Variants in NBPF9 observed in about 807,000 individuals in gnomAD.
NBPF9 encodes NBPF member 9.
Under a neutral mutation model 97.8 loss-of-function variants are expected in NBPF9, and 91 were observed. The ratio of observed to expected loss-of-function variants is 0.93; its 90% confidence interval spans 0.79 to 1.11. The LOEUF (loss-of-function observed/expected upper bound fraction) is 1.11, where lower values mean the gene tolerates loss of function less well. NBPF9 is among the 50% of genes least tolerant of loss of function. The probability of loss-of-function intolerance (pLI) is 0.00; values close to 1 mark genes in which losing one functional copy is unlikely to be tolerated. For missense variants in NBPF9, 992 were observed against 939.5 expected (o/e 1.06, Z -0.73); for synonymous variants, 334 against 359.5 (o/e 0.93, Z 0.80).
exon 1 of NBPF9, chr1:149,103,335 T>C: frequency 6.6e-6 from 1 of 151,980 alleles, no homozygotes; most frequent in South Asian, 2.1e-4. Flanking sequence ...CTGTAAACCG[T>C]AACTTCCCAT....
At chr1:149,087,355 GTGTGTGTA>G (rs1179623423) in intron 5 of NBPF9, among the ~76,000 whole-genome samples, 4 of 148,550 alleles carry the variant, frequency 2.7e-5, no homozygotes, top group Non-Finnish European at 5.9e-5. Context: ...ACACACGTTT[GTGTGTGTA>G]TGTGTGTATA....
At chr1:149,079,114 G>T in exon 9 of NBPF9, 4 of 1,254,038 alleles carry the variant, frequency 3.2e-6, no homozygotes, top group Non-Finnish European at 4.7e-6. Context: ...AGTGAGGAGG[G>T]CCTGGAGATG....
At chr1:149,059,503 T>C (rs1282794641) in intron 25 of NBPF9, 197 bp downstream of exon 25, 2 of 401,524 alleles carry the variant, frequency 5.0e-6, no homozygotes, top group Non-Finnish European at 8.9e-6. Context: ...ATGGTCAACC[T>C]ATGGTACGTT....
In NBPF9 at chr1:149,071,679, G is replaced by A; in HGVS notation, c.1307-3C>T. 3 of 1,306,072 alleles carry A rather than the reference G, an allele frequency of 2.3e-6. No individual in the cohort carries two copies. Among genetic ancestry groups the A allele is most frequent in the Non-Finnish European group, 3.2e-6 (3 of 941,794 alleles). 80.9% of individuals were successfully genotyped at this position (1,306,072 alleles called of 1,614,324 possible). ...TTCATCGTCATCGTTGTCATTTTCT[G>A]TAAATACAGAAGTGTTCGTTCAGAT... On this transcript the variant is annotated splice_polypyrimidine_tract_variant and splice_region_variant and intron_variant, in intron 14 of 29. Coordinates refer to ENST00000584027, the Ensembl canonical transcript of NBPF9.
At chr1:149,064,677 C>T in intron 18 of NBPF9, 195 bp from the exon 19 acceptor site, 1 of 610,486 alleles carries the variant, frequency 1.6e-6, no homozygotes, top group Non-Finnish European at 2.9e-6. Context: ...GAGCCTTGGG[C>T]AAAATTCCCC....
intron 2 of NBPF9, among the ~76,000 whole-genome samples, chr1:149,101,962 T>A (rs1460050281): frequency 4.2e-5 from 5 of 119,592 alleles, no homozygotes; most frequent in African/African-American, 1.3e-4. Flanking sequence ...AGGGTCTCAC[T>A]CTGCCACCCA....
rs1204388828 is a variant in NBPF9, at chr1:149,061,400, C to T, written c.2252-17G>A. 1 of 387,686 alleles carries T rather than the reference C, an allele frequency of 2.6e-6. No homozygotes were observed. Among genetic ancestry groups the T allele is most frequent in the African/African-American group, 3.1e-5 (1 of 32,412 alleles). 24.0% of individuals were successfully genotyped at this position (387,686 alleles called of 1,614,324 possible). On this transcript the variant is annotated splice_polypyrimidine_tract_variant and intron_variant, in intron 22 of 29. Transcript: ENST00000584027. ...TTTTAATTCCTGCAATACATTCAGA[C>T]AGGGACAGACAAAATAAGCCAATTC... is the stretch of plus-strand genomic sequence containing the variant.
chr1:149,074,549 T>C (rs1553653839), intron 12 of NBPF9, among the ~76,000 whole-genome samples: 2 of 151,438 alleles, frequency 1.3e-5, no homozygotes, highest in African/African-American at 4.8e-5. Context: ...TGTAATTCAC[T>C]GCAGCAATTT....
intron 4 of NBPF9, among the ~76,000 whole-genome samples, chr1:149,093,520 C>T (rs1475513942): frequency 6.8e-6 from 1 of 147,408 alleles, no homozygotes; most frequent in Non-Finnish European, 1.5e-5. Context: ...TGGACAATAC[C>T]TGGCTTTCCT....
chr1:149,060,353 T>C lies in NBPF9; in HGVS notation c.2476+170A>G. 6.3e-6 allele frequency: 3 copies of C among 473,620 alleles called. 1 individual carries two copies. The highest frequency in any genetic ancestry group is 7.8e-6 in the Non-Finnish European group (2 of 256,230). 29.3% of individuals were successfully genotyped at this position (473,620 alleles called of 1,614,324 possible). On this transcript the variant is annotated intron_variant, in intron 24 of 29. Transcript: ENST00000584027. ...AGAGTCTTGCCCACTGACCCATCCC[T>C]CATCTGGGCTTCCAGGTAGAACTAG...
intron 13 of NBPF9, among the ~76,000 whole-genome samples, chr1:149,073,541 A>G (rs1444562210): frequency 8.8e-5 from 13 of 147,604 alleles, no homozygotes; most frequent in African/African-American, 3.2e-4. Context: ...CACATCAACA[A>G]TTACTTGTTT....
At chr1:149,074,792 T>C (rs2079709230) in intron 12 of NBPF9, among the ~76,000 whole-genome samples, 1 of 149,344 alleles carries the variant, frequency 6.7e-6, no homozygotes. Flanking sequence ...CTTTTTATTC[T>C]TATTTTTATT....
intron 3 of NBPF9, among the ~76,000 whole-genome samples, chr1:149,099,969 G>A (rs1200114820): frequency 2.0e-5 from 3 of 147,156 alleles, no homozygotes; most frequent in African/African-American, 5.0e-5. Flanking sequence ...GCAACAGAGC[G>A]AGACACTGTC....
chr1:149,075,369 C>T (rs373075182), intron 12 of NBPF9, among the ~76,000 whole-genome samples: 461 of 152,090 alleles, frequency 3.0e-3, no homozygotes, highest in East Asian at 9.1e-3. Context: ...CTTGAAAACA[C>T]GATTGAGCCT....
chr1:149,085,406 C>T (rs1294145423), intron 5 of NBPF9, among the ~76,000 whole-genome samples: 4 of 152,062 alleles, frequency 2.6e-5, no homozygotes, highest in African/African-American at 9.7e-5. Flanking sequence ...GTAAGTCCTC[C>T]AACTTATTGC....
intron 5 of NBPF9, among the ~76,000 whole-genome samples, chr1:149,087,344 C>T (rs1448796057): frequency 6.7e-6 from 1 of 149,690 alleles, no homozygotes; most frequent in African/African-American, 2.5e-5. Flanking sequence ...CACACACACA[C>T]ACACACGTTT....
chr1:149,071,826 G>A (rs587718986), intron 14 of NBPF9, 150 bp from the exon 15 acceptor site: 6 of 634,718 alleles, frequency 9.5e-6, no homozygotes, highest in East Asian at 5.8e-5. Context: ...GAATGCCCTG[G>A]CATGGTTTCC....
rs782296353 is a variant in NBPF9, at chr1:149,079,235, G to A, written c.279-14C>T. 3.7e-6 allele frequency: 3 copies of A among 801,042 alleles called. No homozygotes were observed. Among genetic ancestry groups the A allele is most frequent in the African/African-American group, 1.7e-5 (1 of 58,638 alleles). 49.6% of individuals were successfully genotyped at this position (801,042 alleles called of 1,614,324 possible). ...ACTTTATATTGCCTAAGGTGAGACG[G>A]TAGAGAAAATTTAAGAGTAGAAAGG... On this transcript the variant is annotated splice_polypyrimidine_tract_variant and intron_variant, in intron 8 of 29. Coordinates refer to ENST00000584027, the Ensembl canonical transcript of NBPF9.
chr1:149,056,672 C>G (rs1575820553), intron 28 of NBPF9, 52 bp from the exon 29 acceptor site: 1 of 52,756 alleles, frequency 1.9e-5, no homozygotes, highest in East Asian at 4.6e-4. Context: ...CCCCTACACA[C>G]ATAACAATCC....
Sources: gnomAD v4.1 joint callset for allele counts (sites outside exome capture counted in the v4.1 genomes callset) on GRCh38, gnomAD v4.1.1 for gene constraint, MANE v1.5 for transcripts, NCBI Gene and HGNC (gene_info 2026-07-23, HGNC 2026-07-21) for gene names.